CC2D2B: variants seen among roughly 807,000 people sequenced by gnomAD.
CC2D2B encodes coiled-coil and C2 domain containing 2B.
Under a neutral mutation model 161.2 loss-of-function variants are expected in CC2D2B, and 128 were observed. The observed-to-expected ratio is 0.79, with a 90% CI of 0.69 to 0.92. The LOEUF (loss-of-function observed/expected upper bound fraction) is 0.92. CC2D2B is among the 40% of genes least tolerant of loss of function. The probability of loss-of-function intolerance (pLI) is 0.00; values close to 1 mark genes in which losing one functional copy is unlikely to be tolerated. For synonymous variants in CC2D2B, 391 were observed against 449.8 expected, an observed-to-expected ratio of 0.87 and a Z score of 1.65; for missense variants, 1,173 against 1,375.1, an observed-to-expected ratio of 0.85 and a Z score of 2.32.
chr10:95,981,253 G>A (rs372672506), intron 17 of CC2D2B, among the ~76,000 whole-genome samples: 11 of 152,146 alleles, frequency 7.2e-5, no homozygotes, highest in African/African-American at 1.2e-4. Flanking sequence ...TTAGCCAGGC[G>A]TGGTAGCACG....
At chr10:95,981,398 C>CAAAAAAA (rs35175559) in intron 17 of CC2D2B, among the ~76,000 whole-genome samples, 1 of 88,440 alleles carries the variant, frequency 1.1e-5, no homozygotes, top group African/African-American at 4.3e-5. Flanking sequence ...GACTCCGTCT[C>CAAAAAAA]AAAAAAAAAA....
intron 11 of CC2D2B, among the ~76,000 whole-genome samples, chr10:95,957,553 A>ATTTTTTTTTTTTTTTTTTTTTTTTTTTT (rs869263327): frequency 2.4e-5 from 2 of 83,736 alleles, no homozygotes; most frequent in African/African-American, 4.9e-5. Flanking sequence ...GCTGACAATG[A>ATTTTTTTTTTTTTTTTTTTTTTTTTTTT]TTTTTTTTTT....
At chr10:95,963,719 A>T (rs1199391685) in intron 12 of CC2D2B, among the ~76,000 whole-genome samples, 1 of 152,174 alleles carries the variant, frequency 6.6e-6, no homozygotes, top group Non-Finnish European at 1.5e-5. Flanking sequence ...TATTTTAAGT[A>T]GAAGGAAGTG....
rs976142875 is a variant in CC2D2B at position 95,996,161 on chromosome 10, G to A, written c.2758G>A (p.Val920Met). 35 of 1,488,598 alleles carry A rather than the reference G, an allele frequency of 2.4e-5. No individual in the cohort carries two copies. In the Admixed American group the frequency reaches 2.6e-4, roughly 11 times the overall value. The allele number at this position is 1,488,598 out of a possible 1,614,324, so 92.2% of individuals were successfully genotyped here. Residue 920 changes from valine (V) to methionine (M), a missense_variant, in exon 24 of 35, where the codon GTG becomes ATG. Physicochemically the swap from Val to Met is conservative, Grantham distance 21. This residue lies in a region of CC2D2B where 598 missense variants were observed against 693.2 expected (regional missense o/e 0.86). Coordinates refer to ENST00000646931, the MANE Select transcript of CC2D2B (RefSeq NM_001349008.3). ...GTTTCAGGATACTGTACATCCATTC[G>A]TGGAAGTTTCTTTCCAGCACACTGT... Reference protein sequence around the residue: ...TLHEDTVHPFVEVSFQHTVYK... With the variant: ...TLHEDTVHPFMEVSFQHTVYK...
At chr10:96,016,881 C>A (rs2079223272) in intron 30 of CC2D2B, among the ~76,000 whole-genome samples, 1 of 152,084 alleles carries the variant, frequency 6.6e-6, no homozygotes, top group East Asian at 1.9e-4. Flanking sequence ...CCACGCCCGG[C>A]TAATTTTTTG....
intron 29 of CC2D2B, among the ~76,000 whole-genome samples, chr10:96,015,231 A>ATTTTTT (rs58739011): frequency 0.021 from 2,302 of 111,178 alleles, 67 homozygotes; most frequent in Middle Eastern, 0.045. Flanking sequence ...GGCCCAGCTA[A>ATTTTTT]TTTTTTTTTT....
In CC2D2B at chr10:96,032,624, T is replaced by C. The variant is rs2080100704; in HGVS notation, c.*616T>C. The stretch of plus-strand genomic sequence containing the variant: ...GGAAAACTAAGGTCATTGCCTCTCA[T>C]GGATAAAATGTTATTTCACTGGTAA... On this transcript the variant is annotated 3_prime_UTR_variant, in exon 35 of 35. Transcript: ENST00000646931. 2.9e-6 allele frequency: 1 copy of C among 347,846 alleles called. No homozygotes were observed. The highest frequency in any genetic ancestry group is 5.9e-6 in the Non-Finnish European group (1 of 169,624). 21.5% of individuals were successfully genotyped at this position (347,846 alleles called of 1,614,324 possible). A position where few individuals can be genotyped will look rare whatever the true frequency, so the allele number is the denominator to read the frequency against.
chr10:95,987,102 A>G (rs1275664342), intron 19 of CC2D2B, among the ~76,000 whole-genome samples: 2 of 152,070 alleles, frequency 1.3e-5, no homozygotes, highest in East Asian at 3.9e-4. Context: ...AGGTGGGCAG[A>G]TCACAAGGTC....
At chr10:95,932,154 C>A (rs1590405993) in intron 6 of CC2D2B, among the ~76,000 whole-genome samples, 1 of 152,016 alleles carries the variant, frequency 6.6e-6, no homozygotes, top group Non-Finnish European at 1.5e-5. Context: ...TGTCTTTTTT[C>A]ATCTTTGTTG....
intron 5 of CC2D2B, among the ~76,000 whole-genome samples, chr10:95,925,150 G>C (rs1334667244): frequency 6.6e-6 from 1 of 152,150 alleles, no homozygotes; most frequent in Non-Finnish European, 1.5e-5. Flanking sequence ...TATTTGAACA[G>C]GCAACAATCC....
chr10:95,955,112 G>A (rs945025069), intron 10 of CC2D2B, among the ~76,000 whole-genome samples: 2 of 151,828 alleles, frequency 1.3e-5, no homozygotes, highest in Non-Finnish European at 2.9e-5. Flanking sequence ...TGATCTAATG[G>A]CATTTCTTTA....
Position 95,966,316 on chromosome 10 carries a change from A to C in CC2D2B, c.1466+14A>C. 1 of 928,022 alleles carries C rather than the reference A, an allele frequency of 1.1e-6. No individual in the cohort carries two copies. The highest frequency in any genetic ancestry group is 1.4e-6 in the Non-Finnish European group (1 of 710,996). The allele number at this position is 928,022 out of a possible 1,614,324, so 57.5% of individuals were successfully genotyped here. A position where few individuals can be genotyped will look rare whatever the true frequency, so the allele number is the denominator to read the frequency against. ...CAAGTGTTCCTTGTAAGCATGTTTA[A>C]ATAATTATTTATTTATTATATATTG... On this transcript the variant is annotated intron_variant, in intron 14 of 34. Coordinates refer to ENST00000646931, the MANE Select transcript of CC2D2B (RefSeq NM_001349008.3).
In CC2D2B at chr10:96,031,732, T is replaced by G; in HGVS notation, c.4126-88T>G. On this transcript the variant is annotated intron_variant, in intron 34 of 34. Coordinates refer to ENST00000646931, the MANE Select transcript of CC2D2B (RefSeq NM_001349008.3). Reference sequence around the variant, plus strand: ...ATAGTATTTTATGAGTACTATTTCTTTGAGGCTTTTGTGATCTTTTTGCAT... The same window carrying G: ...ATAGTATTTTATGAGTACTATTTCTGTGAGGCTTTTGTGATCTTTTTGCAT... 2.6e-6 allele frequency: 3 copies of G among 1,175,624 alleles called. No individual in the cohort carries two copies. In the South Asian group the frequency reaches 4.2e-5, roughly 17 times the overall value. 72.8% of individuals were successfully genotyped at this position (1,175,624 alleles called of 1,614,324 possible). A position where few individuals can be genotyped will look rare whatever the true frequency, so the allele number is the denominator to read the frequency against.
intron 12 of CC2D2B, 118 bp downstream of exon 12, chr10:95,962,087 C>G (rs2076778879): frequency 1.4e-5 from 7 of 512,594 alleles, no homozygotes; most frequent in Non-Finnish European, 2.1e-5. Flanking sequence ...ATGTAGTCAA[C>G]AAAGAATTTG....
chr10:95,949,595 C>T (rs1265381703), intron 9 of CC2D2B, among the ~76,000 whole-genome samples: 1 of 129,220 alleles, frequency 7.7e-6, no homozygotes, highest in Non-Finnish European at 1.6e-5. Context: ...CAGCATGGCA[C>T]ATGTATACAT....
chr10:95,925,564 A>G (rs1004960643), intron 5 of CC2D2B, among the ~76,000 whole-genome samples: 6 of 152,240 alleles, frequency 3.9e-5, no homozygotes, highest in African/African-American at 1.4e-4. Flanking sequence ...CATATTTGGA[A>G]CTTGAAATGA....
chr10:95,916,515 A>C (rs768817826), intron 2 of CC2D2B, among the ~76,000 whole-genome samples: 3 of 151,848 alleles, frequency 2.0e-5, no homozygotes, highest in Non-Finnish European at 4.4e-5. Flanking sequence ...CTTTTAAAAA[A>C]TTTTTTGACA....
At chr10:96,005,674 T>A (rs2078715885) in intron 25 of CC2D2B, among the ~76,000 whole-genome samples, 1 of 152,162 alleles carries the variant, frequency 6.6e-6, no homozygotes, top group African/African-American at 2.4e-5. Flanking sequence ...AGCAGAAAGC[T>A]GAAGAATTGG....
At position 96,016,207 on chromosome 10, in the gene CC2D2B, A is replaced by G. The variant is rs1365787368; in HGVS notation, c.3523A>G (p.Ile1175Val). ...TGCTTTTGTTTTGTCTTAGCACTGC[A>G]TCAGTTTAGCTATCGGAAATAAGGA... ...SDIWMTSEHCISLAIGNKEEH... is the reference protein window; with the variant it reads ...SDIWMTSEHCVSLAIGNKEEH... The change falls in exon 30 of 35, where the codon ATC becomes GTC. Residue 1175 changes from isoleucine to valine, a missense_variant. Physicochemically the swap from Ile to Val is conservative, Grantham distance 29 (BLOSUM62 3). Coordinates refer to ENST00000646931, the MANE Select transcript of CC2D2B (RefSeq NM_001349008.3). The G allele has an allele frequency of 1.9e-6, 3 of 1,608,860 alleles. No homozygotes were observed. The African/African-American group carries it at 4.0e-5, about 22-fold the overall frequency.
Sources: allele counts gnomAD v4.1 joint callset (sites outside exome capture counted in the v4.1 genomes callset), GRCh38; gene constraint gnomAD v4.1.1; regional missense constraint gnomAD v4.1.1; transcripts MANE v1.5; gene names NCBI Gene and HGNC (gene_info 2026-07-23, HGNC 2026-07-21).